CGREF1: variants seen among roughly 807,000 people sequenced by gnomAD.
CGREF1 encodes cell growth regulator with EF-hand domain 1.
In CGREF1, 16 loss-of-function variants were observed where a neutral mutation model predicts 17.4. The ratio of observed to expected loss-of-function variants is 0.92; its 90% confidence interval spans 0.62 to 1.40. The LOEUF (loss-of-function observed/expected upper bound fraction) is 1.40, where lower values mean the gene tolerates loss of function less well. Among genes scored for constraint, CGREF1 ranks in the 40% most tolerant of loss-of-function variants. The probability of loss-of-function intolerance (pLI) is 0.00; values close to 1 mark genes in which losing one functional copy is unlikely to be tolerated. For synonymous variants in CGREF1, 142 were observed against 154.6 expected (o/e 0.92, Z 0.61); for missense variants, 296 against 376.4 (o/e 0.79, Z 1.77).
chr2:27,113,629 G>A (rs1313377588), intron 1 of CGREF1, among the ~76,000 whole-genome samples: 3 of 152,172 alleles, frequency 2.0e-5, no homozygotes, highest in Non-Finnish European at 2.9e-5. Flanking sequence ...GTTCAAATCT[G>A]GGCTCCGCAG....
At chr2:27,109,782 G>T (rs577070716) in intron 1 of CGREF1, among the ~76,000 whole-genome samples, 71 of 150,570 alleles carry the variant, frequency 4.7e-4, no homozygotes, top group Non-Finnish European at 7.4e-4. Flanking sequence ...CTACTTGGGT[G>T]GCTGAGGCAG....
chr2:27,099,948 A>C (rs886055893), downstream of CGREF1: 2 of 1,217,798 alleles, frequency 1.6e-6, no homozygotes, highest in Non-Finnish European at 2.4e-6. Context: ...GCCTCAGAGC[A>C]AATAAATCTT....
chr2:27,109,308 G>A (rs1671256417), intron 1 of CGREF1, among the ~76,000 whole-genome samples: 1 of 150,910 alleles, frequency 6.6e-6, no homozygotes, highest in Non-Finnish European at 1.5e-5. Context: ...AGAGGTGAAG[G>A]AGGCAGTGAG....
chr2:27,108,811 AATTT>A (rs923563137), intron 1 of CGREF1, among the ~76,000 whole-genome samples: 75 of 152,120 alleles, frequency 4.9e-4, no homozygotes, highest in African/African-American at 1.6e-3. Context: ...AGGTGAAGCA[AATTT>A]ATTTATTTAT....
intron 1 of CGREF1, chr2:27,104,693 G>C (rs1671051158): frequency 6.5e-7 from 1 of 1,550,228 alleles, no homozygotes; most frequent in Non-Finnish European, 8.7e-7. Context: ...GCCCAGAGAA[G>C]TACAGCGCAA....
intron 1 of CGREF1, 109 bp downstream of exon 1, chr2:27,118,737 G>C (rs1187616253): frequency 1.3e-5 from 2 of 152,376 alleles, no homozygotes; most frequent in Admixed American, 1.3e-4. Context: ...GAGGGACTGC[G>C]CTCTCGGGAT....
rs756923044 is a variant in CGREF1 at position 27,102,090 on chromosome 2, A to C, written c.342+7T>G. On this transcript the variant is annotated splice_region_variant and intron_variant, in intron 5 of 5. Coordinates refer to ENST00000402394, the MANE Select transcript of CGREF1 (RefSeq NM_006569.6). ...TTATGCGGGGATCTCCATCCAGCAG[A>C]GCTTACCGGGTTGGTGGTAGGAGAG... is the stretch of plus-strand genomic sequence containing the variant. 1.2e-6 allele frequency: 2 copies of C among 1,600,536 alleles called. No homozygotes were observed. The highest frequency in any genetic ancestry group is 2.2e-5 in the South Asian group (2 of 90,588).
At chr2:27,107,470 G>A (rs906243889) in intron 1 of CGREF1, among the ~76,000 whole-genome samples, 2 of 151,452 alleles carry the variant, frequency 1.3e-5, no homozygotes, top group Non-Finnish European at 2.9e-5. Flanking sequence ...GATCAGGCTG[G>A]TCTCAAACTC....
intron 1 of CGREF1, among the ~76,000 whole-genome samples, chr2:27,106,058 G>A (rs2148386685): frequency 6.6e-6 from 1 of 152,326 alleles, no homozygotes; most frequent in East Asian, 1.9e-4. Flanking sequence ...TTCAAGGTAG[G>A]CCATTGGAAC....
chr2:27,099,559 A>C (rs773873126), downstream of CGREF1: 11 of 1,614,036 alleles, frequency 6.8e-6, no homozygotes, highest in Admixed American at 8.3e-5. Flanking sequence ...TGCCTCCGTC[A>C]TCTTCAGCCT....
Position 27,100,900 on chromosome 2 carries a change from G to A in CGREF1, c.*374C>T, listed in dbSNP as rs1366938051. 4 of 1,092,588 alleles carry A rather than the reference G, an allele frequency of 3.7e-6. No homozygotes were observed. The South Asian group carries it at 8.4e-5, about 23-fold the overall frequency. The allele number at this position is 1,092,588 out of a possible 1,614,324, so 67.7% of individuals were successfully genotyped here. ...AGGGTTTGGGGCCCAGGGATAGACT[G>A]AGCTTTCCTCACTGGGTCCTCTGCA... On this transcript the variant is annotated 3_prime_UTR_variant, in exon 6 of 6. Transcript: ENST00000402394.
chr2:27,100,543 C>T, downstream of CGREF1: 1 of 1,290,578 alleles, frequency 7.7e-7, no homozygotes, highest in Non-Finnish European at 1.0e-6. Context: ...TGGGTAAGGC[C>T]TTATAATGTA....
chr2:27,104,859 C>A, intron 1 of CGREF1: 1 of 1,374,626 alleles, frequency 7.3e-7, no homozygotes, highest in East Asian at 2.5e-5. Flanking sequence ...TTATTAAAAA[C>A]CCACTGAAGA....
In CGREF1 at chr2:27,117,705, A is replaced by ATTTTTT. The variant is rs35908937; in HGVS notation, c.-12+1135_-12+1140dup. ...AACCTCTCTGAGCCCTGGGATCTGAATTTTTTTTTTTTTTTTTTTTTGAGG... is the reference window on the plus strand; with the variant it reads ...AACCTCTCTGAGCCCTGGGATCTGAATTTTTTTTTTTTTTTTTTTTTTTTTTTGAGG... On this transcript the variant is annotated intron_variant, in intron 1 of 5. Coordinates refer to ENST00000402394, the MANE Select transcript of CGREF1 (RefSeq NM_006569.6). Among the ~76,000 whole-genome samples, 54 of 123,150 alleles carry ATTTTTT rather than the reference A, an allele frequency of 4.4e-4. 2 individuals are homozygous for ATTTTTT. The highest frequency in any genetic ancestry group is 6.4e-4 in the Non-Finnish European group (39 of 61,006). The allele number at this position is 123,150 out of a possible 152,430, so 80.8% of individuals were successfully genotyped here.
chr2:27,104,100 C>CT (rs1383327769), intron 2 of CGREF1, among the ~76,000 whole-genome samples, 187 bp downstream of exon 2: 2 of 152,184 alleles, frequency 1.3e-5, no homozygotes, highest in African/African-American at 4.8e-5. Flanking sequence ...GTCCAGCAAG[C>CT]ATGTACTGAA....
chr2:27,101,192 G>T lies in CGREF1; in HGVS notation c.*82C>A, dbSNP rs1210446550. The T allele has an allele frequency of 6.6e-7, 1 of 1,504,716 alleles. No individual in the cohort carries two copies. Among genetic ancestry groups the T allele is most frequent in the Non-Finnish European group, 8.8e-7 (1 of 1,131,010 alleles). 93.2% of individuals were successfully genotyped at this position (1,504,716 alleles called of 1,614,324 possible). On this transcript the variant is annotated 3_prime_UTR_variant, in exon 6 of 6. Coordinates refer to ENST00000402394, the MANE Select transcript of CGREF1 (RefSeq NM_006569.6). ...GGCAGGGGGCACAGAGATGGTCCTT[G>T]TCCCAGCGTACATTTCCCCTGCCCA...
chr2:27,101,842 C>G lies in CGREF1; in HGVS notation c.389G>C (p.Gly130Ala), dbSNP rs1215383171. Residue 130 changes from glycine to alanine, a missense_variant, in exon 6 of 6, where the codon GGG (glycine) becomes GCG (alanine). Gly to Ala is a moderately conservative substitution (Grantham distance 60). Around this residue, in one of 3 missense-constraint regions of CGREF1, gnomAD observed 247 missense variants for 267.2 expected, o/e 0.92. Coordinates refer to ENST00000402394, the MANE Select transcript of CGREF1 (RefSeq NM_006569.6). ...DKVLETQDLN[G>A]DGLMTPAELI... Reference sequence around the variant, plus strand: ...CTCAGCAGGGGTCATGAGCCCATCCCCATTCAGGTCCTGGGTCTCGAGCAC... The same window carrying G: ...CTCAGCAGGGGTCATGAGCCCATCCGCATTCAGGTCCTGGGTCTCGAGCAC... 1 of 1,614,046 alleles carries G rather than the reference C, an allele frequency of 6.2e-7. No homozygotes were observed. The highest frequency in any genetic ancestry group is 8.5e-7 in the Non-Finnish European group (1 of 1,180,004).
At chr2:27,099,788 C>T, downstream of CGREF1, 1 of 1,606,776 alleles carries the variant, frequency 6.2e-7, no homozygotes. Flanking sequence ...TGGAGACTAC[C>T]ATTGCGGCTG....
In CGREF1 at chr2:27,118,947, C is replaced by T. The variant is rs937087360; in HGVS notation, c.-113G>A. On this transcript the variant is annotated 5_prime_UTR_variant, in exon 1 of 6. Transcript: ENST00000402394. ...CCCGCCGCCAGCCTCCCCCGGGCCGCTCCACGTGGCCGCTCCACGTCGCCC... is the reference window on the plus strand; with the variant it reads ...CCCGCCGCCAGCCTCCCCCGGGCCGTTCCACGTGGCCGCTCCACGTCGCCC... 1 of 152,190 alleles carries T rather than the reference C, an allele frequency of 6.6e-6. No individual in the cohort carries two copies. The highest frequency in any genetic ancestry group is 2.4e-5 in the African/African-American group (1 of 41,336). 9.4% of individuals were successfully genotyped at this position (152,190 alleles called of 1,614,324 possible). A position where few individuals can be genotyped will look rare whatever the true frequency, so the allele number is the denominator to read the frequency against.
Sources: allele counts gnomAD v4.1 joint callset (sites outside exome capture counted in the v4.1 genomes callset), GRCh38; gene constraint gnomAD v4.1.1; regional missense constraint gnomAD v4.1.1; transcripts MANE v1.5; gene names NCBI Gene and HGNC (gene_info 2026-07-23, HGNC 2026-07-21).